Variants in RFTN1 observed in about 807,000 individuals in gnomAD.
RFTN1 encodes the protein raftlin, lipid raft linker 1.
A neutral mutation model predicts 46.5 loss-of-function variants in RFTN1; 26 were observed. The ratio of observed to expected loss-of-function variants is 0.56; its 90% CI spans 0.41 to 0.78. The LOEUF is 0.78. Among genes scored for constraint, RFTN1 ranks in the 30% least tolerant of loss-of-function variants. RFTN1 has a pLI of 0.00. For missense variants in RFTN1, 693 were observed against 718.7 expected (o/e 0.96, Z 0.41); for synonymous variants, 261 against 284.2 (o/e 0.92, Z 0.82).
intron 2 of RFTN1, among the ~76,000 whole-genome samples, chr3:16,445,996 A>G (rs1239749043): frequency 1.3e-5 from 2 of 152,142 alleles, no homozygotes; most frequent in Non-Finnish European, 2.9e-5. Flanking sequence ...TTATTTGCCA[A>G]CAAGGTGGCC....
Position 16,332,103 on chromosome 3 carries a change from TA to T in RFTN1, c.1147-5228del, listed in dbSNP as rs563039634. Among the ~76,000 whole-genome samples, 197 of 152,346 alleles carry T rather than the reference TA, an allele frequency of 1.3e-3. 1 individual carries two copies. The highest frequency in any genetic ancestry group is 2.5e-3 in the Non-Finnish European group (167 of 68,030). On this transcript the variant is annotated intron_variant, in intron 7 of 9. Coordinates refer to ENST00000334133, the MANE Select transcript of RFTN1 (RefSeq NM_015150.2). ...AATGTGCTTTGGTGTGGGTCTTTTT[TA>T]CTCAAAGGATTGTTCACCTGATGGC...
At chr3:16,386,294 G>A (rs2074170746) in intron 4 of RFTN1, among the ~76,000 whole-genome samples, 1 of 152,226 alleles carries the variant, frequency 6.6e-6, no homozygotes, top group African/African-American at 2.4e-5. Context: ...CAGTGTGCTT[G>A]AGCTGAAATT....
In RFTN1 at chr3:16,353,912, A is replaced by T. The variant is rs2072254655; in HGVS notation, c.1146+4020T>A. Among the ~76,000 whole-genome samples the T allele has an allele frequency of 6.6e-6, 1 of 152,212 alleles. No individual in the cohort carries two copies. The highest frequency in any genetic ancestry group is 1.5e-5 in the Non-Finnish European group (1 of 68,042). On this transcript the variant is annotated intron_variant, in intron 7 of 9. Coordinates refer to ENST00000334133, the MANE Select transcript of RFTN1 (RefSeq NM_015150.2). The surrounding 1 kb of genome is among the most constrained non-coding windows in gnomAD (Gnocchi z 5.4). ...GAGAGGAAAGAAATTTCTGTCGTTTAATCCGTCTAGTCTGGTATTTTGTTA... is the reference window on the plus strand; with the variant it reads ...GAGAGGAAAGAAATTTCTGTCGTTTTATCCGTCTAGTCTGGTATTTTGTTA...
chr3:16,491,887 C>T (rs369377555), intron 2 of RFTN1, among the ~76,000 whole-genome samples: 69 of 152,244 alleles, frequency 4.5e-4, no homozygotes, highest in African/African-American at 1.5e-3. Flanking sequence ...CTCCTAGACA[C>T]GCTTTTGTTT....
intron 2 of RFTN1, among the ~76,000 whole-genome samples, chr3:16,445,534 C>T (rs1313070832): frequency 2.8e-5 from 4 of 142,302 alleles, no homozygotes; most frequent in East Asian, 4.1e-4. Flanking sequence ...TCTCTACCAG[C>T]GCTGTCCAAG....
In RFTN1 at chr3:16,384,544, G is replaced by A. The variant is rs544984241; in HGVS notation, c.442-6442C>T. Among the ~76,000 whole-genome samples, 112 of 152,290 alleles carry A rather than the reference G, an allele frequency of 7.4e-4. 1 individual carries two copies. The South Asian group carries it at 0.013, about 18-fold the overall frequency. ...CCAGGTAAAGGAAATTTCCCCCATTGTGCTTTGAGGAGAGCTGCTACACAC... is the reference window on the plus strand; with the variant it reads ...CCAGGTAAAGGAAATTTCCCCCATTATGCTTTGAGGAGAGCTGCTACACAC... On this transcript the variant is annotated intron_variant, in intron 4 of 9. Coordinates refer to ENST00000334133, the MANE Select transcript of RFTN1 (RefSeq NM_015150.2). This position sits in a 1 kb window ranked among gnomAD's most constrained non-coding sequence, Gnocchi z 4.7.
chr3:16,317,756 C>T lies in RFTN1; in HGVS notation c.1333-524G>A, dbSNP rs572368536. Among the ~76,000 whole-genome samples the T allele has an allele frequency of 5.7e-4, 81 of 141,920 alleles. 1 individual carries two copies. The highest frequency in any genetic ancestry group is 8.1e-4 in the Non-Finnish European group (54 of 66,856). The allele number at this position is 141,920 out of a possible 152,430, so 93.1% of individuals were successfully genotyped here. On this transcript the variant is annotated intron_variant, in intron 9 of 9. Transcript: ENST00000334133. This position sits in a 1 kb window ranked among gnomAD's most constrained non-coding sequence, Gnocchi z 4.3. The stretch of plus-strand genomic sequence containing the variant: ...GATCCCCCCACAGGACTGGCGGGCC[C>T]GCTCCCCAGCTAGGCCGATAGCCCT...
At position 16,322,568 on chromosome 3, in the gene RFTN1, C is replaced by T. The variant is rs898620347; in HGVS notation, c.1332+808G>A. Among the ~76,000 whole-genome samples, 4 of 152,134 alleles carry T rather than the reference C, an allele frequency of 2.6e-5. No homozygotes were observed. The highest frequency in any genetic ancestry group is 4.4e-5 in the Non-Finnish European group (3 of 68,024). On this transcript the variant is annotated intron_variant, in intron 9 of 9. Coordinates refer to ENST00000334133, the MANE Select transcript of RFTN1 (RefSeq NM_015150.2). This position sits in a 1 kb window ranked among gnomAD's most constrained non-coding sequence, Gnocchi z 6.2. ...TGACTCAGGCTTTGGTGTGTCCACT[C>T]GACTCACTGGCCTCTTCCCCAGCAA...
rs1025651525 is a variant in RFTN1 at position 16,452,604 on chromosome 3, C to T, written c.146-18567G>A. Among the ~76,000 whole-genome samples, 1 of 152,188 alleles carries T rather than the reference C, an allele frequency of 6.6e-6. No individual in the cohort carries two copies. The highest frequency in any genetic ancestry group is 1.5e-5 in the Non-Finnish European group (1 of 68,030). On this transcript the variant is annotated intron_variant, in intron 2 of 9. Transcript: ENST00000334133. The surrounding 1 kb of genome is among the most constrained non-coding windows in gnomAD (Gnocchi z 6.3). Reference sequence around the variant, plus strand: ...TAAAATAAAATGTTTACAATATATACCTTTTAAAAAATAATTCCCTGTTCC... The same window carrying T: ...TAAAATAAAATGTTTACAATATATATCTTTTAAAAAATAATTCCCTGTTCC...
rs781177890 is a variant in RFTN1, at chr3:16,413,658, C to G, written c.333-4175G>C. Among the ~76,000 whole-genome samples the G allele has an allele frequency of 6.6e-6, 1 of 152,198 alleles. No individual in the cohort carries two copies. The highest frequency in any genetic ancestry group is 1.5e-5 in the Non-Finnish European group (1 of 68,036). ...TGGAGACGTACACAGGGTTAACTAACAGCAAAAGCCCCCCCAACCTACTTT... is the reference window on the plus strand; with the variant it reads ...TGGAGACGTACACAGGGTTAACTAAGAGCAAAAGCCCCCCCAACCTACTTT... On this transcript the variant is annotated intron_variant, in intron 3 of 9. Coordinates refer to ENST00000334133, the MANE Select transcript of RFTN1 (RefSeq NM_015150.2). The surrounding 1 kb of genome is among the most constrained non-coding windows in gnomAD (Gnocchi z 4.7).
rs2071663143 is a variant in RFTN1 at position 16,345,830 on chromosome 3, G to GCA, written c.1146+12101_1146+12102insTG. Among the ~76,000 whole-genome samples the GCA allele has an allele frequency of 1.2e-5, 1 of 81,828 alleles. No homozygotes were observed. Among genetic ancestry groups the GCA allele is most frequent in the South Asian group, 6.3e-4 (1 of 1,590 alleles). 53.7% of individuals were successfully genotyped at this position (81,828 alleles called of 152,430 possible). A position where few individuals can be genotyped will look rare whatever the true frequency, so the allele number is the denominator to read the frequency against. Reference sequence around the variant, plus strand: ...TGTGTGTGTGTGTGCGCGCGCGCGTGCGCGCACGCGCACATGTGCATGTGT... The same window carrying GCA: ...TGTGTGTGTGTGTGCGCGCGCGCGTGCACGCGCACGCGCACATGTGCATGTGT... On this transcript the variant is annotated intron_variant, in intron 7 of 9. Coordinates refer to ENST00000334133, the MANE Select transcript of RFTN1 (RefSeq NM_015150.2). This position sits in a 1 kb window ranked among gnomAD's most constrained non-coding sequence, Gnocchi z 5.2.
In RFTN1 at chr3:16,352,077, A is replaced by G. The variant is rs548125537; in HGVS notation, c.1146+5855T>C. ...GTATTTACATACTTTACATTCAAAT[A>G]AAATGTGTAAGATAGGAATCTGATT... On this transcript the variant is annotated intron_variant, in intron 7 of 9. Coordinates refer to ENST00000334133, the MANE Select transcript of RFTN1 (RefSeq NM_015150.2). The surrounding 1 kb of genome is among the most constrained non-coding windows in gnomAD (Gnocchi z 4.6). 6.6e-6 allele frequency among the ~76,000 whole-genome samples: 1 copy of G among 152,370 alleles called. No homozygotes were observed. The highest frequency in any genetic ancestry group is 2.4e-5 in the African/African-American group (1 of 41,586).
intron 2 of RFTN1, chr3:16,482,729 A>T: frequency 1.3e-6 from 2 of 1,510,338 alleles, no homozygotes; most frequent in Non-Finnish European, 1.8e-6. Flanking sequence ...TACTGTTAAC[A>T]ATGATTATAT....
intron 1 of RFTN1, among the ~76,000 whole-genome samples, chr3:16,497,212 T>C (rs1376658235): frequency 6.6e-6 from 1 of 152,156 alleles, no homozygotes; most frequent in Non-Finnish European, 1.5e-5. Flanking sequence ...ATACTTACAC[T>C]AAAACGTTCA....
In RFTN1 at chr3:16,506,158, G is replaced by A. The variant is rs9854409; in HGVS notation, c.-9+7284C>T. On this transcript the variant is annotated intron_variant, in intron 1 of 9. Transcript: ENST00000334133. The surrounding 1 kb of genome is among the most constrained non-coding windows in gnomAD (Gnocchi z 4.8). ...GTTTTAAATACGGGGATTGGGAAAG[G>A]CCACACCCAGAAGGTGACGTTTAAG... Among the ~76,000 whole-genome samples the A allele has an allele frequency of 0.22, 34,034 of 152,056 alleles. 5,614 individuals are homozygous for A. Among genetic ancestry groups the A allele is most frequent in the African/African-American group, 0.46 (19,037 of 41,426 alleles).
chr3:16,406,092 C>A (rs1486659954), intron 4 of RFTN1, among the ~76,000 whole-genome samples: 2 of 152,126 alleles, frequency 1.3e-5, no homozygotes, highest in African/African-American at 4.8e-5. Context: ...GGTCTTCTAC[C>A]TGGTGTGATG....
At chr3:16,371,433 G>A (rs1431140691) in intron 5 of RFTN1, among the ~76,000 whole-genome samples, 1 of 152,192 alleles carries the variant, frequency 6.6e-6, no homozygotes, top group Non-Finnish European at 1.5e-5. Flanking sequence ...AGGAAACTTT[G>A]TTTCATGACT....
At position 16,458,126 on chromosome 3, in the gene RFTN1, C is replaced by T. The variant is rs1253878324; in HGVS notation, c.146-24089G>A. 3.3e-5 allele frequency among the ~76,000 whole-genome samples: 5 copies of T among 152,134 alleles called. No homozygotes were observed. Among genetic ancestry groups the T allele is most frequent in the Admixed American group, 3.3e-4 (5 of 15,262 alleles). ...AAAATCTTTGTTCTTTATAAACTAC[C>T]CAGTCTTGGGTATTTCGTTTCAACA... is the stretch of plus-strand genomic sequence containing the variant. On this transcript the variant is annotated intron_variant, in intron 2 of 9. Coordinates refer to ENST00000334133, the MANE Select transcript of RFTN1 (RefSeq NM_015150.2). This position sits in a 1 kb window ranked among gnomAD's most constrained non-coding sequence, Gnocchi z 5.1.
chr3:16,449,098 G>A lies in RFTN1; in HGVS notation c.146-15061C>T, dbSNP rs749944896. 6.6e-6 allele frequency among the ~76,000 whole-genome samples: 1 copy of A among 152,214 alleles called. No individual in the cohort carries two copies. Among genetic ancestry groups the A allele is most frequent in the Non-Finnish European group, 1.5e-5 (1 of 68,042 alleles). ...GTACTTTCTGGTCTGGTTCCTTGGG[G>A]AGTGGAGTGGGAAGGCTTCATGATA... On this transcript the variant is annotated intron_variant, in intron 2 of 9. Transcript: ENST00000334133. The surrounding 1 kb of genome is among the most constrained non-coding windows in gnomAD (Gnocchi z 5.1).
Sources: allele counts gnomAD v4.1 joint callset (sites outside exome capture counted in the v4.1 genomes callset), GRCh38; gene constraint gnomAD v4.1.1; non-coding constraint Gnocchi (gnomAD v3.1); transcripts MANE v1.5; gene names NCBI Gene and HGNC (gene_info 2026-07-23, HGNC 2026-07-21).